ANKRD30B: variants seen among roughly 807,000 people sequenced by gnomAD.
ANKRD30B encodes ankyrin repeat domain 30B, also known as ankyrin repeat domain-containing protein 30B.
Under a neutral mutation model 202.2 loss-of-function variants are expected in ANKRD30B, and 144 were observed. The observed-to-expected ratio is 0.71, with a 90% confidence interval of 0.62 to 0.82. The LOEUF is 0.82. ANKRD30B is among the 40% of genes least tolerant of loss of function. ANKRD30B has a pLI of 0.00. For missense variants in ANKRD30B, 1,487 were observed against 1,669.1 expected, an observed-to-expected ratio of 0.89 and a Z score of 1.90; for synonymous variants, 508 against 561.3, an observed-to-expected ratio of 0.91 and a Z score of 1.34.
chr18:14,916,131 C>T, the ANKRD30B span, among the ~76,000 whole-genome samples: 2 of 152,174 alleles, frequency 1.3e-5, no homozygotes, highest in Non-Finnish European at 2.9e-5. Context: ...GCTGATGGTG[C>T]TGCTGTGGGC....
the ANKRD30B span, among the ~76,000 whole-genome samples, chr18:14,867,836 C>A: frequency 6.6e-6 from 1 of 152,206 alleles, no homozygotes; most frequent in African/African-American, 2.4e-5. Flanking sequence ...AAACTGGCCC[C>A]AGCCACCCAG....
intron 30 of ANKRD30B, among the ~76,000 whole-genome samples, chr18:14,821,378 AT>A: frequency 6.6e-6 from 1 of 151,716 alleles, no homozygotes. Flanking sequence ...TTCTGCTCTG[AT>A]TTTAGTTATT....
chr18:14,905,578 A>G, the ANKRD30B span: 14 of 152,312 alleles, frequency 9.2e-5, 2 homozygotes, highest in Admixed American at 3.9e-4. Flanking sequence ...TTCTTCAGAG[A>G]GAATAGATGG....
chr18:14,795,403 G>A (rs993411189), intron 16 of ANKRD30B, among the ~76,000 whole-genome samples: 1 of 152,158 alleles, frequency 6.6e-6, no homozygotes, highest in Non-Finnish European at 1.5e-5. Flanking sequence ...CGCTATTTTG[G>A]CCAGGCTGCT....
the ANKRD30B span, among the ~76,000 whole-genome samples, chr18:14,920,839 A>G: frequency 6.6e-6 from 1 of 152,214 alleles, no homozygotes. Context: ...TTGATGTTTG[A>G]AATAATTGAC....
intron 39 of ANKRD30B, among the ~76,000 whole-genome samples, chr18:14,843,746 A>T (rs1384505866): frequency 6.6e-6 from 1 of 152,170 alleles, no homozygotes; most frequent in Non-Finnish European, 1.5e-5. Context: ...GTGAGCCGAG[A>T]TGGCGCCACT....
At chr18:14,794,001 C>T (rs1373121449) in intron 16 of ANKRD30B, among the ~76,000 whole-genome samples, 1 of 152,016 alleles carries the variant, frequency 6.6e-6, no homozygotes, top group Non-Finnish European at 1.5e-5. Context: ...GTCAACAAGC[C>T]TTTGTTTAAG....
At chr18:14,806,602 T>A (rs1371119740) in intron 24 of ANKRD30B, among the ~76,000 whole-genome samples, 1 of 149,724 alleles carries the variant, frequency 6.7e-6, no homozygotes, top group Non-Finnish European at 1.5e-5. Context: ...TCAGATCACA[T>A]TTTAGAACCA....
chr18:14,799,076 A>G (rs751158263), intron 20 of ANKRD30B, 25 bp from the exon 21 acceptor site: 8 of 1,554,150 alleles, frequency 5.1e-6, no homozygotes, highest in South Asian at 1.1e-5. Context: ...CATATAATCA[A>G]TTATATATGT....
the ANKRD30B span, among the ~76,000 whole-genome samples, chr18:14,897,085 G>A: frequency 1.2e-4 from 18 of 151,856 alleles, no homozygotes; most frequent in Admixed American, 1.2e-3. Context: ...AGTTGACATA[G>A]GTAGAAAAGA....
chr18:14,869,225 A>G, the ANKRD30B span, among the ~76,000 whole-genome samples: 1 of 152,100 alleles, frequency 6.6e-6, no homozygotes, highest in Non-Finnish European at 1.5e-5. Context: ...CTCCTTTTCC[A>G]GTTGAGTTAG....
At chr18:14,770,308 C>T (rs552521200) in intron 8 of ANKRD30B, among the ~76,000 whole-genome samples, 1 of 152,224 alleles carries the variant, frequency 6.6e-6, no homozygotes, top group East Asian at 1.9e-4. Context: ...TTTCATATTT[C>T]AACATGTATT....
At chr18:14,898,582 T>C in the ANKRD30B span, among the ~76,000 whole-genome samples, 3 of 152,144 alleles carry the variant, frequency 2.0e-5, no homozygotes, top group Non-Finnish European at 2.9e-5. Context: ...TTCCTTCAAA[T>C]AGCTATCTAG....
rs191546451 is a variant in ANKRD30B at position 14,807,777 on chromosome 18, C to T, written c.2285-774C>T. On this transcript the variant is annotated intron_variant, in intron 24 of 43. Coordinates refer to ENST00000690538, the MANE Select transcript of ANKRD30B (RefSeq NM_001367607.2). ...GAACTCCTGGCCTTGAGAGATCCAC[C>T]CTCTTCGGGTTTCCAAGGTTCTGGA... Among the ~76,000 whole-genome samples, 249 of 150,826 alleles carry T rather than the reference C, an allele frequency of 1.7e-3. 6 individuals are homozygous for T. The highest frequency in any genetic ancestry group is 5.8e-3 in the African/African-American group (235 of 40,844).
intron 17 of ANKRD30B, 32 bp from the exon 18 acceptor site, chr18:14,796,311 G>C (rs746298838): frequency 6.2e-7 from 1 of 1,608,518 alleles, no homozygotes; most frequent in Non-Finnish European, 8.5e-7. Flanking sequence ...CATATATTAT[G>C]TATTAATTTT....
chr18:14,865,382 C>T, the ANKRD30B span, among the ~76,000 whole-genome samples: 495 of 151,546 alleles, frequency 3.3e-3, 6 homozygotes, highest in East Asian at 0.072. Context: ...CACTTGTCAC[C>T]CTTTTCCCCC....
At chr18:14,772,315 T>C in intron 9 of ANKRD30B, 87 bp downstream of exon 9, 3 of 754,804 alleles carry the variant, frequency 4.0e-6, no homozygotes, top group Non-Finnish European at 5.7e-6. Flanking sequence ...GTATCATTAT[T>C]TCATGTTGGT....
the ANKRD30B span, among the ~76,000 whole-genome samples, chr18:14,872,180 G>A: frequency 6.6e-6 from 1 of 152,180 alleles, no homozygotes; most frequent in South Asian, 2.1e-4. Context: ...TCTCAGCCAG[G>A]AAGTCACTTC....
At chr18:14,755,686 G>C (rs1344214181) in intron 4 of ANKRD30B, among the ~76,000 whole-genome samples, 1 of 152,132 alleles carries the variant, frequency 6.6e-6, no homozygotes, top group African/African-American at 2.4e-5. Context: ...AGTTTGCTGA[G>C]AATGATAGTT....
Sources: allele counts gnomAD v4.1 joint callset (sites outside exome capture counted in the v4.1 genomes callset), GRCh38; gene constraint gnomAD v4.1.1; transcripts MANE v1.5; gene names NCBI Gene and HGNC (gene_info 2026-07-23, HGNC 2026-07-21).